PAX5: variants seen among roughly 807,000 people sequenced by gnomAD.
PAX5 encodes the protein paired box protein Pax-5.
PAX5 carries 9 observed loss-of-function variants against 43.7 expected under a neutral mutation model. The ratio of observed to expected loss-of-function variants is 0.21; its 90% confidence interval spans 0.12 to 0.36. PAX5 has a LOEUF of 0.36. Among genes scored for constraint, PAX5 ranks in the 10% least tolerant of loss-of-function variants. PAX5 has a pLI of 1.00. For missense variants in PAX5, 383 were observed against 532.7 expected (o/e 0.72, Z 2.77); for synonymous variants, 228 against 214.3 (o/e 1.06, Z -0.56).
chr9:37,032,907 A>G (rs1841126346), intron 1 of PAX5, among the ~76,000 whole-genome samples: 2 of 152,254 alleles, frequency 1.3e-5, no homozygotes, highest in African/African-American at 4.8e-5. Flanking sequence ...TACAGGCCCT[A>G]GAGCTGAATG....
At chr9:36,864,678 C>T (rs1048959701) in intron 8 of PAX5, among the ~76,000 whole-genome samples, 1 of 152,224 alleles carries the variant, frequency 6.6e-6, no homozygotes, top group African/African-American at 2.4e-5. Flanking sequence ...CTGCCTCCTC[C>T]GGCCTGGCCA....
intron 8 of PAX5, among the ~76,000 whole-genome samples, chr9:36,871,509 C>T (rs1250110605): frequency 6.6e-6 from 1 of 152,236 alleles, no homozygotes; most frequent in Non-Finnish European, 1.5e-5. Context: ...ACGCTTAGCC[C>T]TTCCGCAAAT....
intron 7 of PAX5, among the ~76,000 whole-genome samples, chr9:36,910,454 G>A (rs1157328475): frequency 2.6e-5 from 4 of 152,166 alleles, no homozygotes; most frequent in Non-Finnish European, 5.9e-5. Flanking sequence ...AGGTCTCCAC[G>A]GATGGACATT....
intron 5 of PAX5, among the ~76,000 whole-genome samples, chr9:36,974,024 TAA>T (rs1374986358): frequency 2.0e-5 from 3 of 151,814 alleles, no homozygotes; most frequent in Admixed American, 6.6e-5. Flanking sequence ...TAATAAAATT[TAA>T]AAGTTAGCTG....
At chr9:36,850,780 C>T (rs777831580) in intron 8 of PAX5, among the ~76,000 whole-genome samples, 5 of 152,198 alleles carry the variant, frequency 3.3e-5, no homozygotes, top group Non-Finnish European at 4.4e-5. Context: ...TGGTTCCTGG[C>T]GCTCTCTGGA....
At chr9:36,935,780 G>A (rs1489811637) in intron 6 of PAX5, among the ~76,000 whole-genome samples, 1 of 152,168 alleles carries the variant, frequency 6.6e-6, no homozygotes, top group Non-Finnish European at 1.5e-5. Flanking sequence ...ACTACTTTCC[G>A]AGGCAGCCAC....
intron 5 of PAX5, among the ~76,000 whole-genome samples, chr9:37,001,521 A>G (rs1364617586): frequency 6.6e-6 from 1 of 152,222 alleles, no homozygotes; most frequent in Non-Finnish European, 1.5e-5. Context: ...GGAGCAGAAG[A>G]GAGAGGCAAG....
At chr9:36,933,299 G>A (rs1831275885) in intron 6 of PAX5, among the ~76,000 whole-genome samples, 1 of 152,132 alleles carries the variant, frequency 6.6e-6, no homozygotes, top group Admixed American at 6.5e-5. Flanking sequence ...AGAAGCCAAG[G>A]ACAGCCAGGA....
intron 8 of PAX5, among the ~76,000 whole-genome samples, chr9:36,871,103 C>T (rs751159941): frequency 6.6e-6 from 1 of 152,236 alleles, no homozygotes; most frequent in Admixed American, 6.5e-5. Context: ...GGCCTTTTGG[C>T]AAGCAGTGCT....
At chr9:36,958,557 A>G (rs1239281499) in intron 6 of PAX5, among the ~76,000 whole-genome samples, 1 of 152,112 alleles carries the variant, frequency 6.6e-6, no homozygotes, top group Non-Finnish European at 1.5e-5. Flanking sequence ...AATACTACGG[A>G]CTGGAGAGAA....
At chr9:36,934,942 A>G (rs918363518) in intron 6 of PAX5, among the ~76,000 whole-genome samples, 2 of 152,196 alleles carry the variant, frequency 1.3e-5, no homozygotes, top group Admixed American at 6.5e-5. Flanking sequence ...GGCTCTTCCA[A>G]CGGTGCCAGA....
At chr9:36,929,020 T>C (rs1349094195) in intron 6 of PAX5, among the ~76,000 whole-genome samples, 1 of 152,198 alleles carries the variant, frequency 6.6e-6, no homozygotes, top group African/African-American at 2.4e-5. Flanking sequence ...TCAAATTCAG[T>C]GTTCAACCAC....
chr9:36,901,561 G>C (rs868563292), intron 7 of PAX5, among the ~76,000 whole-genome samples: 1 of 152,194 alleles, frequency 6.6e-6, no homozygotes, highest in Non-Finnish European at 1.5e-5. Flanking sequence ...CCAATGAGGA[G>C]AGTGTTAGCC....
chr9:36,910,917 C>T (rs1239869663), intron 7 of PAX5, among the ~76,000 whole-genome samples: 1 of 152,172 alleles, frequency 6.6e-6, no homozygotes, highest in Admixed American at 6.6e-5. Flanking sequence ...CCTGCCTCAT[C>T]CTTTAGGATA....
At chr9:36,963,983 A>G (rs967394529) in intron 6 of PAX5, among the ~76,000 whole-genome samples, 3 of 152,224 alleles carry the variant, frequency 2.0e-5, no homozygotes, top group Admixed American at 6.5e-5. Flanking sequence ...GTCAGCCATT[A>G]GAAGATAAAC....
chr9:37,033,872 A>G, intron 1 of PAX5, 114 bp downstream of exon 1: 1 of 810,710 alleles, frequency 1.2e-6, no homozygotes, highest in Non-Finnish European at 2.1e-6. Flanking sequence ...GCAGTTAGAC[A>G]GTCTCTACGA....
At chr9:36,927,134 G>T (rs776358421) in intron 6 of PAX5, among the ~76,000 whole-genome samples, 8 of 152,162 alleles carry the variant, frequency 5.3e-5, no homozygotes, top group Non-Finnish European at 1.2e-4. Flanking sequence ...GATTGTGAAG[G>T]GCTTGCACAA....
rs1169183239 is a variant in PAX5 at position 36,836,734 on chromosome 9, A to G, written c.*3826T>C. 1.7e-5 allele frequency: 4 copies of G among 231,908 alleles called. No individual in the cohort carries two copies. The highest frequency in any genetic ancestry group is 6.6e-5 in the African/African-American group (3 of 45,294). The allele number at this position is 231,908 out of a possible 1,614,324, so 14.4% of individuals were successfully genotyped here. On this transcript the variant is annotated 3_prime_UTR_variant, in exon 10 of 10. Coordinates refer to ENST00000358127, the MANE Select transcript of PAX5 (RefSeq NM_016734.3). ...GTGGCCCTGGCTTGGGCACTCCTGC[A>G]TACTGTCACAGCCAGGCCTGGAGCC...
chr9:36,934,045 G>A lies in PAX5; in HGVS notation c.781-10561C>T, dbSNP rs1396461170. On this transcript the variant is annotated intron_variant, in intron 6 of 9. Transcript: ENST00000358127. ...CTGTGGGCTGGTGAAGATGTTGCCCGTTTGACCTCAGGTCCCCGAATCCAG... is the reference window on the plus strand; with the variant it reads ...CTGTGGGCTGGTGAAGATGTTGCCCATTTGACCTCAGGTCCCCGAATCCAG... 4.6e-5 allele frequency among the ~76,000 whole-genome samples: 7 copies of A among 152,210 alleles called. 1 individual carries two copies. The highest frequency in any genetic ancestry group is 1.9e-4 in the East Asian group (1 of 5,198).
Sources: gnomAD v4.1 joint callset for allele counts (sites outside exome capture counted in the v4.1 genomes callset) on GRCh38, gnomAD v4.1.1 for gene constraint, MANE v1.5 for transcripts, NCBI Gene and HGNC (gene_info 2026-07-23, HGNC 2026-07-21) for gene names.